HSF2: variants seen among roughly 807,000 people sequenced by gnomAD.
HSF2 encodes the protein heat shock transcription factor 2.
In HSF2, 21 loss-of-function variants were observed where a neutral mutation model predicts 65.0. The ratio of observed to expected loss-of-function variants is 0.32; its 90% CI spans 0.23 to 0.47. The LOEUF (loss-of-function observed/expected upper bound fraction) is 0.47, where lower values mean the gene tolerates loss of function less well. Among genes scored for constraint, HSF2 ranks in the 20% least tolerant of loss-of-function variants. HSF2 has a pLI of 1.00. For synonymous variants in HSF2, 225 were observed against 219.1 expected (o/e 1.03, Z -0.24); for missense variants, 499 against 628.1 (o/e 0.79, Z 2.20).
chr6:122,419,098 A>T, intron 5 of HSF2, 70 bp from the exon 6 acceptor site: 1 of 732,162 alleles, frequency 1.4e-6, no homozygotes, highest in Non-Finnish European at 2.3e-6. Context: ...AATTTGTTTT[A>T]TAAGACTTGG....
chr6:122,427,849 C>A, intron 10 of HSF2, 54 bp from the exon 11 acceptor site: 2 of 1,368,032 alleles, frequency 1.5e-6, no homozygotes, highest in Non-Finnish European at 2.0e-6. Context: ...TTTGAACACA[C>A]AATTATTTTT....
At chr6:122,420,784 T>C (rs1172331717) in intron 7 of HSF2, among the ~76,000 whole-genome samples, 1 of 134,630 alleles carries the variant, frequency 7.4e-6, no homozygotes, top group Non-Finnish European at 1.5e-5. Context: ...TGATCTTGGC[T>C]CACTGCAGCC....
At position 122,416,259 on chromosome 6, in the gene HSF2, G is replaced by A. The variant is rs753417407; in HGVS notation, c.494G>A (p.Arg165Gln). ...CTTTGGAAGGAGGTGTCAGAATTAC[G>A]AGCAAAGCATGCACAACAGCAACAA... ...ESLWKEVSELRAKHAQQQQVI... is the reference protein window; with the variant it reads ...ESLWKEVSELQAKHAQQQQVI... The change falls in exon 5 of 13, where the codon CGA becomes CAA. Residue 165 changes from arginine to glutamine, a missense_variant. Transcript: ENST00000368455. The A allele has an allele frequency of 1.9e-6, 3 of 1,611,442 alleles. No homozygotes were observed. The highest frequency in any genetic ancestry group is 2.2e-5 in the South Asian group (2 of 90,996).
chr6:122,419,839 TATAA>T (rs1475102232), intron 6 of HSF2, among the ~76,000 whole-genome samples: 1 of 152,156 alleles, frequency 6.6e-6, no homozygotes, highest in Non-Finnish European at 1.5e-5. Context: ...TTTTTTTCTA[TATAA>T]ATACAGTTCA....
At chr6:122,425,355 C>CT (rs939382000) in intron 10 of HSF2, among the ~76,000 whole-genome samples, 2 of 151,532 alleles carry the variant, frequency 1.3e-5, no homozygotes, top group Non-Finnish European at 2.9e-5. Flanking sequence ...TTTTTCTTTT[C>CT]TTTTTGCTGT....
At chr6:122,403,767 G>T (rs1773797342) in intron 1 of HSF2, among the ~76,000 whole-genome samples, 1 of 151,958 alleles carries the variant, frequency 6.6e-6, no homozygotes, top group Non-Finnish European at 1.5e-5. Context: ...TTGGTAGTCT[G>T]TTGTCAGAAT....
intron 2 of HSF2, 63 bp from the exon 3 acceptor site, chr6:122,412,574 A>G (rs1258730523): frequency 3.2e-5 from 51 of 1,583,970 alleles, no homozygotes; most frequent in Non-Finnish European, 4.1e-5. Flanking sequence ...AAATTATTCC[A>G]TACAAGCACC....
At position 122,399,821 on chromosome 6, in the gene HSF2, C is replaced by T. The variant is rs1773675750; in HGVS notation, c.84C>T (p.Thr28=). 5.0e-6 allele frequency: 8 copies of T among 1,611,682 alleles called. No homozygotes were observed. Among genetic ancestry groups the T allele is most frequent in the East Asian group, 4.5e-5 (2 of 44,672 alleles). The part of the protein sequence containing the change: ...VEETHTNEFI[T]WSQNGQSFLV... The stretch of plus-strand genomic sequence containing the variant: ...AAACCCACACTAACGAGTTCATCAC[C>T]TGGAGCCAGGTACGGTCAGGCCACG... The change falls in exon 1 of 13, where the codon ACC becomes ACT. Residue 28 remains threonine (T), a synonymous_variant. Transcript: ENST00000368455.
Position 122,404,066 on chromosome 6 carries a change from A to G in HSF2, c.93+4236A>G, listed in dbSNP as rs1040152041. On this transcript the variant is annotated intron_variant, in intron 1 of 12. Coordinates refer to ENST00000368455, the MANE Select transcript of HSF2 (RefSeq NM_004506.4). ...TCTGTTCTTCAGATTGTTTGAGAAAATGAAGTGATTTCCACCAAAGACTTC... is the reference window on the plus strand; with the variant it reads ...TCTGTTCTTCAGATTGTTTGAGAAAGTGAAGTGATTTCCACCAAAGACTTC... 3.9e-5 allele frequency among the ~76,000 whole-genome samples: 6 copies of G among 152,320 alleles called. No homozygotes were observed. The East Asian group carries it at 1.2e-3, about 29-fold the overall frequency.
upstream of HSF2, chr6:122,399,576 G>T (rs766114493): frequency 6.1e-4 from 361 of 592,962 alleles, no homozygotes; most frequent in Non-Finnish European, 7.5e-4. Flanking sequence ...GCGGCCGCCC[G>T]GCCTCTCGGC....
At chr6:122,415,698 A>G (rs1053819940) in intron 4 of HSF2, among the ~76,000 whole-genome samples, 1 of 152,196 alleles carries the variant, frequency 6.6e-6, no homozygotes, top group African/African-American at 2.4e-5. Context: ...TGTCATGAGT[A>G]GCAGATACTA....
chr6:122,429,700 T>A (rs1275431791), intron 11 of HSF2, among the ~76,000 whole-genome samples: 5 of 152,170 alleles, frequency 3.3e-5, no homozygotes, highest in African/African-American at 1.2e-4. Flanking sequence ...CCTAGTTTAT[T>A]GGGTGTTTTT....
chr6:122,403,468 A>G (rs1054976615), intron 1 of HSF2, among the ~76,000 whole-genome samples: 3 of 152,058 alleles, frequency 2.0e-5, no homozygotes, highest in Non-Finnish European at 2.9e-5. Context: ...GTAGCCAGGT[A>G]TGGTGGCGTG....
chr6:122,418,320 A>C (rs1334319845), intron 5 of HSF2, among the ~76,000 whole-genome samples: 3 of 152,198 alleles, frequency 2.0e-5, no homozygotes, highest in African/African-American at 7.2e-5. Flanking sequence ...TCCAGTCTAC[A>C]CTAAAGGGTT....
chr6:122,430,487 A>G (rs1774437762), intron 11 of HSF2, among the ~76,000 whole-genome samples: 1 of 152,136 alleles, frequency 6.6e-6, no homozygotes, highest in African/African-American at 2.4e-5. Flanking sequence ...TTATTTCATT[A>G]ATGTTTATAT....
intron 1 of HSF2, among the ~76,000 whole-genome samples, chr6:122,400,153 G>A (rs1418198439): frequency 2.0e-5 from 3 of 152,180 alleles, no homozygotes; most frequent in Non-Finnish European, 4.4e-5. Flanking sequence ...GCGAGCCGAG[G>A]GCGCGGGAGC....
At chr6:122,429,072 A>G (rs971386712) in intron 11 of HSF2, among the ~76,000 whole-genome samples, 2 of 152,094 alleles carry the variant, frequency 1.3e-5, no homozygotes, top group Non-Finnish European at 2.9e-5. Flanking sequence ...TTGTGTTGCA[A>G]AAAAACTTCA....
At position 122,422,593 on chromosome 6, in the gene HSF2, C is replaced by T. The variant is rs17084528; in HGVS notation, c.831-125C>T. 4.6e-3 allele frequency: 4,443 copies of T among 969,980 alleles called. 102 individuals are homozygous for T. In the East Asian group the frequency reaches 0.057, roughly 12 times the overall value. 60.1% of individuals were successfully genotyped at this position (969,980 alleles called of 1,614,324 possible). A position where few individuals can be genotyped will look rare whatever the true frequency, so the allele number is the denominator to read the frequency against. ...GTACCAATATTGTGATTAAGCTGCT[C>T]GCTCAAGAAATTTAAGCCTTTCAGT... is the stretch of plus-strand genomic sequence containing the variant. On this transcript the variant is annotated intron_variant, in intron 8 of 12. Transcript: ENST00000368455.
intron 5 of HSF2, among the ~76,000 whole-genome samples, chr6:122,416,942 G>A (rs1774141040): frequency 6.6e-6 from 1 of 152,120 alleles, no homozygotes; most frequent in Admixed American, 6.6e-5. Context: ...AGTAATTAAG[G>A]CAGCTATTTT....
Sources: gnomAD v4.1 joint callset for allele counts (sites outside exome capture counted in the v4.1 genomes callset) on GRCh38, gnomAD v4.1.1 for gene constraint, MANE v1.5 for transcripts, NCBI Gene and HGNC (gene_info 2026-07-23, HGNC 2026-07-21) for gene names.